The following MAST2 variants were observed in gnomAD, a reference collection of about 807,000 sequenced individuals.
MAST2 encodes the protein microtubule associated serine/threonine kinase 2.
A neutral mutation model predicts 147.4 loss-of-function variants in MAST2; 70 were observed. The ratio of observed to expected loss-of-function variants is 0.47; its 90% CI spans 0.39 to 0.58. The LOEUF (loss-of-function observed/expected upper bound fraction) is 0.58, where lower values mean the gene tolerates loss of function less well. MAST2 is among the 20% of genes least tolerant of loss of function. The probability of loss-of-function intolerance (pLI) is 0.00; values close to 1 mark genes in which losing one functional copy is unlikely to be tolerated. For synonymous variants in MAST2, 869 were observed against 896.8 expected (o/e 0.97, Z 0.55); for missense variants, 2,080 against 2,302.3 (o/e 0.90, Z 1.98).
At chr1:45,937,462 C>T (rs114307982) in intron 4 of MAST2, among the ~76,000 whole-genome samples, 1 of 151,786 alleles carries the variant, frequency 6.6e-6, no homozygotes, top group Non-Finnish European at 1.5e-5. Context: ...AAAATATGCC[C>T]ATTGTGGTTG....
In MAST2 at chr1:46,008,227, G is replaced by T. The variant is rs116549504; in HGVS notation, c.903-69G>T. 0.012 allele frequency: 12,094 copies of T among 1,048,536 alleles called. 788 individuals are homozygous for T. In the African/African-American group the frequency reaches 0.15, roughly 13 times the overall value. The allele number at this position is 1,048,536 out of a possible 1,614,324, so 65.0% of individuals were successfully genotyped here. On this transcript the variant is annotated intron_variant, in intron 8 of 28. Coordinates refer to ENST00000361297, the MANE Select transcript of MAST2 (RefSeq NM_015112.3). ...GATGGTGGGAGGGGCAGGGTCTCTG[G>T]GGATGGCCATCTTTCTTCTTGATAG...
intron 10 of MAST2, among the ~76,000 whole-genome samples, chr1:46,016,990 G>C (rs1645977616): frequency 6.6e-6 from 1 of 151,710 alleles, no homozygotes. Flanking sequence ...TAGATCAATG[G>C]AACAGAACAG....
At chr1:45,917,684 T>G (rs535323896) in intron 4 of MAST2, among the ~76,000 whole-genome samples, 1 of 152,310 alleles carries the variant, frequency 6.6e-6, no homozygotes, top group South Asian at 2.1e-4. Context: ...AGATTTCTGT[T>G]GTATTCAAAA....
At chr1:45,966,963 C>T (rs1288002439) in intron 5 of MAST2, among the ~76,000 whole-genome samples, 1 of 149,772 alleles carries the variant, frequency 6.7e-6, no homozygotes, top group Non-Finnish European at 1.5e-5. Flanking sequence ...AGCTCTTAGG[C>T]TCCCAGATTT....
chr1:45,880,611 A>C (rs1646800879), intron 3 of MAST2, among the ~76,000 whole-genome samples: 1 of 152,234 alleles, frequency 6.6e-6, no homozygotes, highest in South Asian at 2.1e-4. Context: ...AATTGCAATC[A>C]AATACTGAAT....
chr1:45,987,777 A>ATTTTTTTTTTTTTT, intron 5 of MAST2, among the ~76,000 whole-genome samples: 22 of 21,782 alleles, frequency 1.0e-3, no homozygotes, highest in African/African-American at 1.9e-3. Context: ...TTTTTTTTTG[A>ATTTTTTTTTTTTTT]TTTTTTTTTT....
At chr1:45,861,404 A>C (rs1645976706) in intron 3 of MAST2, among the ~76,000 whole-genome samples, 1 of 151,588 alleles carries the variant, frequency 6.6e-6, no homozygotes, top group African/African-American at 2.4e-5. Flanking sequence ...TCTCTGTATT[A>C]TCTCTCAATT....
At chr1:45,929,932 T>G (rs1480315685) in intron 4 of MAST2, among the ~76,000 whole-genome samples, 1 of 152,198 alleles carries the variant, frequency 6.6e-6, no homozygotes, top group Non-Finnish European at 1.5e-5. Flanking sequence ...TTATACTATT[T>G]TACATTTCCA....
intron 4 of MAST2, among the ~76,000 whole-genome samples, chr1:45,957,552 C>T (rs145708379): frequency 6.6e-6 from 1 of 152,248 alleles, no homozygotes; most frequent in African/African-American, 2.4e-5. Flanking sequence ...GCCATGAACC[C>T]CTGGAGTCAA....
At chr1:45,804,108 A>G in intron 1 of MAST2, 36 bp downstream of exon 1, 1 of 1,222,210 alleles carries the variant, frequency 8.2e-7, no homozygotes, top group African/African-American at 1.6e-5. Flanking sequence ...GTGAACCTGA[A>G]TGGAAGCCGT....
chr1:45,817,215 A>AC (rs1644483976), intron 1 of MAST2, among the ~76,000 whole-genome samples: 1 of 152,230 alleles, frequency 6.6e-6, no homozygotes, highest in Non-Finnish European at 1.5e-5. Flanking sequence ...AGATTTCTAT[A>AC]TTCAAGTATA....
At chr1:45,839,904 G>A (rs1188966115) in intron 3 of MAST2, among the ~76,000 whole-genome samples, 2 of 152,114 alleles carry the variant, frequency 1.3e-5, no homozygotes, top group Non-Finnish European at 2.9e-5. Context: ...CATAACAAAT[G>A]GTGTTGAAAC....
At position 45,972,965 on chromosome 1, in the gene MAST2, T is replaced by C. The variant is rs541718771; in HGVS notation, c.592+13488T>C. On this transcript the variant is annotated intron_variant, in intron 5 of 28. Transcript: ENST00000361297. ...TTGGGTCTAGTAGTAAGGGTAGATG[T>C]CCTCTGTTTTTTCATTATTTTCACT... Among the ~76,000 whole-genome samples, 16 of 152,298 alleles carry C rather than the reference T, an allele frequency of 1.1e-4. No individual in the cohort carries two copies. In the East Asian group the frequency reaches 3.1e-3, roughly 29 times the overall value.
intron 5 of MAST2, among the ~76,000 whole-genome samples, chr1:45,992,962 A>G (rs1012329475): frequency 6.6e-6 from 1 of 151,994 alleles, no homozygotes; most frequent in African/African-American, 2.4e-5. Context: ...CTTAGCATTT[A>G]TAGTGTATAT....
chr1:45,956,424 A>G (rs369244863), intron 4 of MAST2, among the ~76,000 whole-genome samples: 4 of 152,282 alleles, frequency 2.6e-5, no homozygotes, highest in Non-Finnish European at 4.4e-5. Flanking sequence ...GTTCACTGCA[A>G]TTGCCAATCA....
rs528939137 is a variant in MAST2, at chr1:46,014,879, T to C, written c.1188+3940T>C. Among the ~76,000 whole-genome samples, 13 of 152,330 alleles carry C rather than the reference T, an allele frequency of 8.5e-5. No homozygotes were observed. In the South Asian group the frequency reaches 2.3e-3, roughly 27 times the overall value. ...CAAATCAACAGAATATACATTTTTT[T>C]CAGCACCGCATCACACCTATTCCAA... On this transcript the variant is annotated intron_variant, in intron 10 of 28. Coordinates refer to ENST00000361297, the MANE Select transcript of MAST2 (RefSeq NM_015112.3).
chr1:45,916,432 C>G (rs997671895), intron 4 of MAST2, among the ~76,000 whole-genome samples: 6 of 152,052 alleles, frequency 3.9e-5, no homozygotes, highest in African/African-American at 1.4e-4. Flanking sequence ...CTATTTATTA[C>G]CTGTTTTCAA....
At chr1:45,986,546 G>A (rs1280035571) in intron 5 of MAST2, among the ~76,000 whole-genome samples, 4 of 151,830 alleles carry the variant, frequency 2.6e-5, no homozygotes, top group East Asian at 1.9e-4. Context: ...GTGAAACCCC[G>A]TCTCTACTAA....
chr1:45,881,903 A>G (rs1646859980), intron 3 of MAST2, among the ~76,000 whole-genome samples: 2 of 148,456 alleles, frequency 1.3e-5, no homozygotes, highest in South Asian at 4.3e-4. Context: ...CAGGCTGGGC[A>G]TGGTGGCTCA....
Sources: gnomAD v4.1 joint callset for allele counts (sites outside exome capture counted in the v4.1 genomes callset) on GRCh38, gnomAD v4.1.1 for gene constraint, MANE v1.5 for transcripts, NCBI Gene and HGNC (gene_info 2026-07-23, HGNC 2026-07-21) for gene names.